Variants in INO80D observed in about 807,000 individuals in gnomAD.
INO80D encodes the protein INO80 complex subunit D.
INO80D carries 21 observed loss-of-function variants against 87.6 expected under a neutral mutation model. That is an observed-to-expected ratio of 0.24 (90% CI 0.17 to 0.35). The LOEUF is 0.35. INO80D is among the 10% of genes least tolerant of loss of function. The pLI, the probability that INO80D is intolerant of heterozygous loss-of-function variation, is 1.00. For missense variants in INO80D, 982 were observed against 1,280.7 expected (o/e 0.77, Z 3.56); for synonymous variants, 440 against 491.0 (o/e 0.90, Z 1.37).
intron 8 of INO80D, among the ~76,000 whole-genome samples, chr2:206,015,540 G>T (rs755872966): frequency 3.3e-5 from 5 of 152,188 alleles, no homozygotes; most frequent in African/African-American, 4.8e-5. Context: ...CAAGTGCACA[G>T]AAGTCAAGAA....
intron 9 of INO80D, chr2:206,008,094 TTCTC>T: frequency 6.6e-6 from 1 of 150,900 alleles, no homozygotes; most frequent in Non-Finnish European, 1.5e-5. Context: ...AGATTCTCCT[TTCTC>T]AGCCTTCAGA....
At chr2:206,012,574 T>C (rs62195361) in intron 8 of INO80D, among the ~76,000 whole-genome samples, 4,405 of 152,074 alleles carry the variant, frequency 0.029, 90 homozygotes, top group Non-Finnish European at 0.044. Context: ...GAATATAATA[T>C]GAAAATAGAG....
intron 3 of INO80D, among the ~76,000 whole-genome samples, chr2:206,059,380 C>CA (rs1176842143): frequency 6.6e-6 from 1 of 150,914 alleles, no homozygotes; most frequent in African/African-American, 2.4e-5. Flanking sequence ...GACTCAGCCT[C>CA]AAAAAACAAA....
intron 1 of INO80D, among the ~76,000 whole-genome samples, chr2:206,073,279 G>T (rs1379605609): frequency 1.3e-5 from 2 of 152,126 alleles, no homozygotes; most frequent in Non-Finnish European, 2.9e-5. Context: ...CACTGAGGCA[G>T]TTCTCAGAAA....
chr2:206,048,153 C>A (rs1442547191), intron 4 of INO80D, among the ~76,000 whole-genome samples: 2 of 152,178 alleles, frequency 1.3e-5, no homozygotes, highest in African/African-American at 2.4e-5. Flanking sequence ...CCGTGCCCAG[C>A]CTCTTTCAAT....
Position 206,062,961 on chromosome 2 carries a change from G to C in INO80D, c.56C>G (p.Ser19Ter), listed in dbSNP as rs780023721. Residue 19 changes from serine (S) to a stop codon, truncating the protein, a stop_gained, in exon 3 of 11, where the codon TCA (serine) becomes TGA (stop). Transcript: ENST00000403263. LOFTEE classifies it high-confidence loss of function. The surrounding 1 kb of genome is among the most constrained non-coding windows in gnomAD (Gnocchi z 4.6). ...CTGCTTGCACAGTTTGGGGCTATATGAGCACAAGGGCTTATTGTCAACCTC... is the reference window on the plus strand; with the variant it reads ...CTGCTTGCACAGTTTGGGGCTATATCAGCACAAGGGCTTATTGTCAACCTC... ...FSEVDNKPLC[S>*]YSPKLCKQRR... 6.2e-7 allele frequency: 1 copy of C among 1,613,148 alleles called. No homozygotes were observed. Among genetic ancestry groups the C allele is most frequent in the Non-Finnish European group, 8.5e-7 (1 of 1,179,676 alleles).
At chr2:206,020,504 AC>A (rs1315704005) in intron 6 of INO80D, among the ~76,000 whole-genome samples, 5 of 152,234 alleles carry the variant, frequency 3.3e-5, no homozygotes, top group Non-Finnish European at 7.3e-5. Context: ...GGATACTGAT[AC>A]GCAGAAATGG....
chr2:206,025,570 A>ATATATATATATAT (rs1559439755), intron 6 of INO80D: 32 of 91,836 alleles, frequency 3.5e-4, no homozygotes, highest in African/African-American at 4.7e-4. Context: ...TATATATATA[A>ATATATATATATAT]AATAACTAAA....
chr2:206,033,169 TA>T (rs1276879819), intron 5 of INO80D, among the ~76,000 whole-genome samples: 1 of 152,040 alleles, frequency 6.6e-6, no homozygotes, highest in Non-Finnish European at 1.5e-5. Context: ...CAAAAGCAAG[TA>T]GGGGTAGCTA....
chr2:205,999,886 C>T lies in INO80D; in HGVS notation c.*4482G>A, dbSNP rs1040418340. On this transcript the variant is annotated 3_prime_UTR_variant, in exon 11 of 11. Transcript: ENST00000403263. ...TTAAGACATTATTAAACTGTTTTAA[C>T]TTTTCTACAGAATGCCAGTGAAGAT... 6.6e-6 allele frequency: 1 copy of T among 152,032 alleles called. No homozygotes were observed. The allele number at this position is 152,032 out of a possible 1,614,324, so 9.4% of individuals were successfully genotyped here.
intron 5 of INO80D, among the ~76,000 whole-genome samples, chr2:206,031,564 C>T (rs934539183): frequency 3.3e-5 from 5 of 152,336 alleles, no homozygotes; most frequent in Admixed American, 6.5e-5. Context: ...AGGACAGCAC[C>T]GCCACTGCTG....
chr2:206,008,173 G>A (rs1182049789), intron 9 of INO80D, among the ~76,000 whole-genome samples: 1 of 151,972 alleles, frequency 6.6e-6, no homozygotes, highest in African/African-American at 2.4e-5. Flanking sequence ...TAGTAGAGAC[G>A]GGGTTTACCC....
rs1278719401 is a variant in INO80D, at chr2:206,085,218, C to T, written c.-124+683G>A. On this transcript the variant is annotated intron_variant, in intron 1 of 10. Coordinates refer to ENST00000403263, the MANE Select transcript of INO80D (RefSeq NM_017759.5). This position sits in a 1 kb window ranked among gnomAD's most constrained non-coding sequence, Gnocchi z 4.5. ...GCGGCTGCACCTGACTCCTCACCGC[C>T]CCTCCACCCGACCCCACGCCCGCCA... Among the ~76,000 whole-genome samples the T allele has an allele frequency of 1.3e-5, 2 of 152,246 alleles. No homozygotes were observed. The highest frequency in any genetic ancestry group is 1.9e-4 in the East Asian group (1 of 5,150).
At chr2:206,052,447 C>A (rs1575853380) in intron 4 of INO80D, among the ~76,000 whole-genome samples, 1 of 152,134 alleles carries the variant, frequency 6.6e-6, no homozygotes, top group African/African-American at 2.4e-5. Context: ...CCCGCCTCAG[C>A]CTCCCAAAGT....
intron 8 of INO80D, among the ~76,000 whole-genome samples, chr2:206,013,066 T>C (rs1337827019): frequency 6.6e-6 from 1 of 152,006 alleles, no homozygotes; most frequent in Non-Finnish European, 1.5e-5. Context: ...CAAAAATTTG[T>C]ATTTTAAATA....
chr2:206,045,206 AG>A (rs1689163431), intron 5 of INO80D, among the ~76,000 whole-genome samples: 1 of 152,120 alleles, frequency 6.6e-6, no homozygotes, highest in African/African-American at 2.4e-5. Context: ...CTTCCTGTGT[AG>A]TTTTGTTTAG....
Position 206,001,317 on chromosome 2 carries a change from T to C in INO80D, c.*3051A>G, listed in dbSNP as rs1687905497. 1 of 152,232 alleles carries C rather than the reference T, an allele frequency of 6.6e-6. No homozygotes were observed. Among genetic ancestry groups the C allele is most frequent in the Non-Finnish European group, 1.5e-5 (1 of 68,054 alleles). The allele number at this position is 152,232 out of a possible 1,614,324, so 9.4% of individuals were successfully genotyped here. A position where few individuals can be genotyped will look rare whatever the true frequency, so the allele number is the denominator to read the frequency against. On this transcript the variant is annotated 3_prime_UTR_variant, in exon 11 of 11. Transcript: ENST00000403263. ...TTCTCAGAGCACAGAATGTATCCAT[T>C]AACTGCAGCAACTTTGTAAATTAAA...
At chr2:206,024,794 C>T (rs1160233294) in intron 6 of INO80D, among the ~76,000 whole-genome samples, 5 of 151,964 alleles carry the variant, frequency 3.3e-5, no homozygotes, top group African/African-American at 1.2e-4. Context: ...CTCACTCTGT[C>T]GCCTAGCCTG....
At chr2:206,059,042 T>C (rs951389484) in intron 3 of INO80D, among the ~76,000 whole-genome samples, 5 of 134,656 alleles carry the variant, frequency 3.7e-5, no homozygotes, top group East Asian at 2.1e-4. Flanking sequence ...CTGAGCAACA[T>C]AGCAAGACCC....
Sources: allele counts gnomAD v4.1 joint callset (sites outside exome capture counted in the v4.1 genomes callset), GRCh38; gene constraint gnomAD v4.1.1; non-coding constraint Gnocchi (gnomAD v3.1); transcripts MANE v1.5; gene names NCBI Gene and HGNC (gene_info 2026-07-23, HGNC 2026-07-21).